Variants in DDRGK1 observed in about 807,000 individuals in gnomAD.
DDRGK1 encodes DDRGK domain-containing protein 1.
A neutral mutation model predicts 45.8 loss-of-function variants in DDRGK1; 38 were observed. The observed-to-expected ratio is 0.83, with a 90% CI of 0.64 to 1.09. DDRGK1 has a LOEUF of 1.09. DDRGK1 is among the 50% of genes least tolerant of loss of function. DDRGK1 has a pLI of 0.00. For synonymous variants in DDRGK1, 171 were observed against 168.7 expected, an observed-to-expected ratio of 1.01 and a Z score of -0.11; for missense variants, 403 against 419.9, an observed-to-expected ratio of 0.96 and a Z score of 0.35.
At chr20:3,193,249 A>G (rs1309286251) in intron 6 of DDRGK1, among the ~76,000 whole-genome samples, 2 of 152,242 alleles carry the variant, frequency 1.3e-5, no homozygotes, top group Non-Finnish European at 1.5e-5. Context: ...TGAAATCTTA[A>G]GGCAAAAAAG....
chr20:3,203,543 C>T (rs1317849642), intron 1 of DDRGK1, 127 bp from the exon 2 acceptor site: 2 of 1,293,780 alleles, frequency 1.5e-6, no homozygotes, highest in Non-Finnish European at 2.0e-6. Flanking sequence ...AAGGCCCCGA[C>T]TTCTCAGTCT....
intron 2 of DDRGK1, 110 bp downstream of exon 2, chr20:3,203,103 G>A (rs1453414198): frequency 9.5e-6 from 10 of 1,056,580 alleles, no homozygotes; most frequent in East Asian, 2.9e-5. Context: ...GCTCCCAGAC[G>A]TCCCTCCTAC....
chr20:3,197,991 C>G (rs1230121999), intron 4 of DDRGK1, among the ~76,000 whole-genome samples: 1 of 150,142 alleles, frequency 6.7e-6, no homozygotes. Context: ...TGGTGCACAC[C>G]TGTAGCCCCA....
intron 4 of DDRGK1, among the ~76,000 whole-genome samples, chr20:3,198,507 C>T (rs1400704112): frequency 1.3e-5 from 2 of 150,358 alleles, no homozygotes; most frequent in Admixed American, 6.7e-5. Context: ...TCGAGACCAG[C>T]CTGACCAACA....
intron 1 of DDRGK1, 61 bp from the exon 2 acceptor site, chr20:3,203,477 G>A (rs1168453429): frequency 3.5e-6 from 5 of 1,443,036 alleles, no homozygotes; most frequent in South Asian, 1.5e-5. Context: ...ATGGCAGGAG[G>A]AGCGGCAGCC....
In DDRGK1 at chr20:3,196,078, A is replaced by C. The variant is rs1600473032; in HGVS notation, c.511-725T>G. Among the ~76,000 whole-genome samples, 3 of 152,150 alleles carry C rather than the reference A, an allele frequency of 2.0e-5. No homozygotes were observed. The South Asian group carries it at 6.2e-4, about 32-fold the overall frequency. On this transcript the variant is annotated intron_variant, in intron 4 of 8. Coordinates refer to ENST00000354488, the MANE Select transcript of DDRGK1 (RefSeq NM_023935.3). The stretch of plus-strand genomic sequence containing the variant: ...CCCCTTCCTTGCCAGTGACTACCAC[A>C]CTTGTAGCCCCACCCGAATCTCTTC...
rs747648540 is a variant in DDRGK1 at position 3,203,308 on chromosome 20, CG to C, written c.199del (p.Arg67GlyfsTer32). Reference protein sequence around the residue: ...EPRAGGRPRRRRDLGSRLQAQ... With the variant: ...EPRAGGRPRRXRDLGSRLQAQ... ...CTGTAGGCGGCTGCCCAGGTCCCTC[CG>C]GCGCCGAGGCCTGCCTCCAGCTCTC... On this transcript the variant is annotated frameshift_variant, in exon 2 of 9. Transcript: ENST00000354488. LOFTEE classifies it high-confidence loss of function. 4 of 1,608,058 alleles carry C rather than the reference CG, an allele frequency of 2.5e-6. No individual in the cohort carries two copies. The highest frequency in any genetic ancestry group is 2.7e-5 in the African/African-American group (2 of 74,830).
At chr20:3,198,098 C>CTT (rs869242762) in intron 4 of DDRGK1, among the ~76,000 whole-genome samples, 1 of 72,518 alleles carries the variant, frequency 1.4e-5, no homozygotes, top group African/African-American at 5.4e-5. Context: ...CTCCATCTCT[C>CTT]TTAAAAAAAA....
At position 3,204,633 on chromosome 20, in the gene DDRGK1, G is replaced by T; in HGVS notation, c.-6C>A. The T allele has an allele frequency of 6.3e-7, 1 of 1,576,222 alleles. No homozygotes were observed. On this transcript the variant is annotated 5_prime_UTR_variant, in exon 1 of 9. Coordinates refer to ENST00000354488, the MANE Select transcript of DDRGK1 (RefSeq NM_023935.3). ...TACCACACAGGCGCCACCATGACGA[G>T]GGCCTCAGTGCAGAACCACTGCGTC... is the stretch of plus-strand genomic sequence containing the variant.
rs2067003243 is a variant in DDRGK1 at position 3,194,869 on chromosome 20, C to A, written c.634-1G>T. 3 of 1,613,948 alleles carry A rather than the reference C, an allele frequency of 1.9e-6. No homozygotes were observed. The highest frequency in any genetic ancestry group is 2.2e-5 in the East Asian group (1 of 44,894). ...TGAACTCTGTCAGGAAGCTCTGGGACTAGAGAAGCAGAGAAATCAGGGTGA... is the reference window on the plus strand; with the variant it reads ...TGAACTCTGTCAGGAAGCTCTGGGAATAGAGAAGCAGAGAAATCAGGGTGA... On this transcript the variant is annotated splice_acceptor_variant, in intron 5 of 8. Transcript: ENST00000354488. LOFTEE classifies it high-confidence loss of function.
At chr20:3,194,364 G>A (rs755105015) in intron 6 of DDRGK1, among the ~76,000 whole-genome samples, 3 of 152,176 alleles carry the variant, frequency 2.0e-5, no homozygotes, top group South Asian at 2.1e-4. Flanking sequence ...CAGTGGCTGC[G>A]GACAGAAGGG....
chr20:3,192,831 T>G (rs1182523549), intron 6 of DDRGK1, among the ~76,000 whole-genome samples: 1 of 152,200 alleles, frequency 6.6e-6, no homozygotes, highest in Non-Finnish European at 1.5e-5. Context: ...CCTCCCTGAC[T>G]GCAGATAGCA....
chr20:3,204,010 C>A (rs1484610889), intron 1 of DDRGK1, among the ~76,000 whole-genome samples: 1 of 152,104 alleles, frequency 6.6e-6, no homozygotes, highest in Non-Finnish European at 1.5e-5. Context: ...ACATGGCCTT[C>A]TGATCGGGGA....
intron 6 of DDRGK1, 93 bp from the exon 7 acceptor site, chr20:3,191,914 T>G (rs2066990989): frequency 7.6e-7 from 1 of 1,314,326 alleles, no homozygotes; most frequent in South Asian, 1.4e-5. Context: ...TGATCTGATC[T>G]GTTCTCGGTG....
chr20:3,198,715 AAAAAC>A (rs1568500705), intron 4 of DDRGK1, among the ~76,000 whole-genome samples: 1 of 139,512 alleles, frequency 7.2e-6, no homozygotes, highest in South Asian at 2.3e-4. Context: ...AAAAAAAAAA[AAAAAC>A]AAAACAGAAA....
chr20:3,200,100 T>C lies in DDRGK1; in HGVS notation c.411A>G (p.Ala137=), dbSNP rs2067029386. The change falls in exon 4 of 9, where the codon GCA becomes GCG. Residue 137 remains alanine (A), a splice_region_variant and synonymous_variant. Transcript: ENST00000354488. ...TCCGCTCCTCACGTTCAGCCTCCTC[T>C]GCCTGGAGAGAGGTCTTCATAGGGG... ...EKQARKAQRE[A]EEAEREERKR... 6.2e-7 allele frequency: 1 copy of C among 1,600,774 alleles called. No individual in the cohort carries two copies. Among genetic ancestry groups the C allele is most frequent in the African/African-American group, 1.3e-5 (1 of 74,342 alleles).
Position 3,191,241 on chromosome 20 carries a change from A to G in DDRGK1, c.730-3T>C, listed in dbSNP as rs934585432. 1 of 1,614,154 alleles carries G rather than the reference A, an allele frequency of 6.2e-7. No individual in the cohort carries two copies. The highest frequency in any genetic ancestry group is 1.3e-5 in the African/African-American group (1 of 75,054). ...TCCTGGATGCGATTTATGGTGTCCT[A>G]TGAGGAGAACAACTCTCAGAATAGA... On this transcript the variant is annotated splice_polypyrimidine_tract_variant and splice_region_variant and intron_variant, in intron 7 of 8. Coordinates refer to ENST00000354488, the MANE Select transcript of DDRGK1 (RefSeq NM_023935.3).
chr20:3,201,177 G>A (rs1423530604), intron 2 of DDRGK1, among the ~76,000 whole-genome samples: 8 of 150,300 alleles, frequency 5.3e-5, no homozygotes, highest in African/African-American at 1.7e-4. Context: ...CCAGCTACTC[G>A]GGAGGCTGAG....
chr20:3,195,208 C>A (rs371819725), intron 5 of DDRGK1, 23 bp downstream of exon 5: 378 of 1,613,978 alleles, frequency 2.3e-4, no homozygotes, highest in Non-Finnish European at 2.9e-4. Flanking sequence ...CAGAGAGGGG[C>A]TTCCCAGGGG....
Sources: gnomAD v4.1 joint callset for allele counts (sites outside exome capture counted in the v4.1 genomes callset) on GRCh38, gnomAD v4.1.1 for gene constraint, MANE v1.5 for transcripts, NCBI Gene and HGNC (gene_info 2026-07-23, HGNC 2026-07-21) for gene names.